MAP2K5: variants seen among roughly 807,000 people sequenced by gnomAD.
The protein encoded by MAP2K5 is mitogen-activated protein kinase kinase 5.
MAP2K5 carries 49 observed loss-of-function variants against 83.1 expected under a neutral mutation model. That is an observed-to-expected ratio of 0.59 (90% CI 0.47 to 0.75). The LOEUF is 0.75. MAP2K5 is among the 30% of genes least tolerant of loss of function. The pLI, the probability that MAP2K5 is intolerant of heterozygous loss-of-function variation, is 0.00. For missense variants in MAP2K5, 457 were observed against 557.5 expected, an observed-to-expected ratio of 0.82 and a Z score of 1.82; for synonymous variants, 202 against 191.8, an observed-to-expected ratio of 1.05 and a Z score of -0.44.
In MAP2K5 at chr15:67,769,780, C is replaced by T. The variant is rs370853706; in HGVS notation, c.1196+117C>T. 38 of 977,810 alleles carry T rather than the reference C, an allele frequency of 3.9e-5. No homozygotes were observed. Among genetic ancestry groups the T allele is most frequent in the African/African-American group, 8.1e-5 (5 of 61,526 alleles). 60.6% of individuals were successfully genotyped at this position (977,810 alleles called of 1,614,324 possible). Reference sequence around the variant, plus strand: ...ATCCTTTTGGAGACAGGAGGGACTTCGGGGCCTTGGGCAGATGGGGCAGCA... The same window carrying T: ...ATCCTTTTGGAGACAGGAGGGACTTTGGGGCCTTGGGCAGATGGGGCAGCA... On this transcript the variant is annotated intron_variant, in intron 20 of 21. Coordinates refer to ENST00000178640, the MANE Select transcript of MAP2K5 (RefSeq NM_145160.3). The surrounding 1 kb of genome is among the most constrained non-coding windows in gnomAD (Gnocchi z 5.2).
intron 6 of MAP2K5, among the ~76,000 whole-genome samples, chr15:67,592,373 T>A (rs2085434027): frequency 6.6e-6 from 1 of 152,136 alleles, no homozygotes; most frequent in Non-Finnish European, 1.5e-5. Flanking sequence ...TTTTCCCCAT[T>A]TTACAGAAAG....
intron 15 of MAP2K5, 114 bp from the exon 16 acceptor site, chr15:67,703,223 G>A (rs1023241708): frequency 9.8e-6 from 7 of 717,814 alleles, no homozygotes; most frequent in South Asian, 1.6e-5. Flanking sequence ...TTTGTCATCC[G>A]TAAAATACTA....
chr15:67,588,939 C>T (rs916771422), intron 6 of MAP2K5, among the ~76,000 whole-genome samples: 5 of 152,182 alleles, frequency 3.3e-5, no homozygotes, highest in Non-Finnish European at 5.9e-5. Context: ...CCTCAGCCTC[C>T]CAAGTAGCTG....
At chr15:67,607,604 T>C (rs996691116) in intron 8 of MAP2K5, among the ~76,000 whole-genome samples, 5 of 152,236 alleles carry the variant, frequency 3.3e-5, no homozygotes, top group African/African-American at 1.2e-4. Flanking sequence ...GAATTAACTA[T>C]TATTGAAATA....
At chr15:67,803,349 C>T (rs1198385571) in intron 21 of MAP2K5, among the ~76,000 whole-genome samples, 2 of 148,298 alleles carry the variant, frequency 1.3e-5, no homozygotes, top group African/African-American at 5.0e-5. Context: ...AACTCGGGCA[C>T]CTCTGGGTGG....
chr15:67,767,755 T>C (rs944693174), intron 19 of MAP2K5, among the ~76,000 whole-genome samples: 1 of 152,186 alleles, frequency 6.6e-6, no homozygotes, highest in Non-Finnish European at 1.5e-5. Context: ...TGTCATGCTA[T>C]TTTGTGTCTT....
intron 13 of MAP2K5, among the ~76,000 whole-genome samples, chr15:67,666,766 T>G (rs1022939645): frequency 2.0e-5 from 3 of 152,114 alleles, no homozygotes; most frequent in African/African-American, 7.2e-5. Flanking sequence ...TGCCACCTGT[T>G]GTGAGAAGAA....
intron 11 of MAP2K5, among the ~76,000 whole-genome samples, chr15:67,653,971 A>G (rs2087011055): frequency 1.3e-5 from 2 of 152,060 alleles, no homozygotes; most frequent in African/African-American, 2.4e-5. Context: ...GTGCTGTTTA[A>G]TTTCCACATA....
chr15:67,622,062 T>A (rs993098603), intron 8 of MAP2K5, among the ~76,000 whole-genome samples: 13 of 147,328 alleles, frequency 8.8e-5, no homozygotes, highest in Non-Finnish European at 1.5e-4. Flanking sequence ...CACACACCTG[T>A]AATCCCTGCT....
chr15:67,739,720 A>G (rs1218456094), intron 17 of MAP2K5, among the ~76,000 whole-genome samples: 1 of 151,724 alleles, frequency 6.6e-6, no homozygotes, highest in East Asian at 1.9e-4. Flanking sequence ...ACCTCAGGTG[A>G]TCCACCCACC....
At chr15:67,727,493 C>T (rs1300519283) in intron 16 of MAP2K5, among the ~76,000 whole-genome samples, 1 of 152,154 alleles carries the variant, frequency 6.6e-6, no homozygotes, top group African/African-American at 2.4e-5. Flanking sequence ...TCCCCACTTC[C>T]TACTACCCTC....
Position 67,760,921 on chromosome 15 carries a change from G to T in MAP2K5, c.1135-8681G>T, listed in dbSNP as rs895268547. On this transcript the variant is annotated intron_variant, in intron 19 of 21. Coordinates refer to ENST00000178640, the MANE Select transcript of MAP2K5 (RefSeq NM_145160.3). The surrounding 1 kb of genome is among the most constrained non-coding windows in gnomAD (Gnocchi z 4.1). ...CAGCTTGGGCTGGGGGCACTGCTCT[G>T]CTTCACTGCCGAGTTGCTGTAATCG... 6.6e-6 allele frequency among the ~76,000 whole-genome samples: 1 copy of T among 152,120 alleles called. No homozygotes were observed. Among genetic ancestry groups the T allele is most frequent in the African/African-American group, 2.4e-5 (1 of 41,410 alleles).
rs1378995873 is a variant in MAP2K5 at position 67,652,593 on chromosome 15, C to G, written c.737-5960C>G. On this transcript the variant is annotated intron_variant, in intron 11 of 21. Transcript: ENST00000178640. The surrounding 1 kb of genome is among the most constrained non-coding windows in gnomAD (Gnocchi z 4.2). ...TGACCCAAACACCTCTCACGAGGCC[C>G]CATCTTCAACATTGGGAGTGAGATT... 6.6e-6 allele frequency among the ~76,000 whole-genome samples: 1 copy of G among 152,162 alleles called. No homozygotes were observed. Among genetic ancestry groups the G allele is most frequent in the East Asian group, 1.9e-4 (1 of 5,188 alleles).
intron 13 of MAP2K5, among the ~76,000 whole-genome samples, chr15:67,681,462 A>C (rs997863777): frequency 2.0e-5 from 3 of 152,234 alleles, no homozygotes; most frequent in African/African-American, 7.2e-5. Context: ...CTTTAAGGGA[A>C]TCTGACCCAC....
chr15:67,651,786 A>G (rs949977725), intron 11 of MAP2K5, among the ~76,000 whole-genome samples: 6 of 152,150 alleles, frequency 3.9e-5, no homozygotes, highest in Non-Finnish European at 8.8e-5. Flanking sequence ...TTGATTTCAT[A>G]TCTTGGCTAT....
Position 67,614,548 on chromosome 15 carries a change from A to G in MAP2K5, c.545+13799A>G, listed in dbSNP as rs548631468. Among the ~76,000 whole-genome samples, 17 of 152,266 alleles carry G rather than the reference A, an allele frequency of 1.1e-4. No individual in the cohort carries two copies. The East Asian group carries it at 2.7e-3, about 24-fold the overall frequency. On this transcript the variant is annotated intron_variant, in intron 8 of 21. Transcript: ENST00000178640. ...TCATTCCTTCTCATCATTAGGCTTTATATCTCTTGCTTCTCTGTTTGCCCA... is the reference window on the plus strand; with the variant it reads ...TCATTCCTTCTCATCATTAGGCTTTGTATCTCTTGCTTCTCTGTTTGCCCA...
At chr15:67,596,232 C>A (rs928982481) in intron 7 of MAP2K5, among the ~76,000 whole-genome samples, 1 of 152,044 alleles carries the variant, frequency 6.6e-6, no homozygotes, top group Admixed American at 6.5e-5. Flanking sequence ...ACCAGCCTGG[C>A]CAACATGGTG....
rs1242423638 is a variant in MAP2K5, at chr15:67,781,444, C to T, written c.1242+8692C>T. ...AGAGTTATTTGGGGGGCCAAATCTG[C>T]CTGCAGATAATTTGAGGTTCACTTG... On this transcript the variant is annotated intron_variant, in intron 21 of 21. Coordinates refer to ENST00000178640, the MANE Select transcript of MAP2K5 (RefSeq NM_145160.3). This position sits in a 1 kb window ranked among gnomAD's most constrained non-coding sequence, Gnocchi z 4.0. 6.6e-6 allele frequency among the ~76,000 whole-genome samples: 1 copy of T among 152,096 alleles called. No homozygotes were observed. The highest frequency in any genetic ancestry group is 2.4e-5 in the African/African-American group (1 of 41,406).
At chr15:67,595,409 AC>A (rs1276974569) in intron 7 of MAP2K5, among the ~76,000 whole-genome samples, 1 of 152,284 alleles carries the variant, frequency 6.6e-6, no homozygotes, top group South Asian at 2.1e-4. Context: ...GCTTTCTGAA[AC>A]CATTATTGCT....
Sources: allele counts gnomAD v4.1 joint callset (sites outside exome capture counted in the v4.1 genomes callset), GRCh38; gene constraint gnomAD v4.1.1; non-coding constraint Gnocchi (gnomAD v3.1); transcripts MANE v1.5; gene names NCBI Gene and HGNC (gene_info 2026-07-23, HGNC 2026-07-21).